ZNF385D: variants seen among roughly 807,000 people sequenced by gnomAD.
ZNF385D encodes zinc finger protein 659.
Under a neutral mutation model 35.8 loss-of-function variants are expected in ZNF385D, and 15 were observed. The ratio of observed to expected loss-of-function variants is 0.42; its 90% CI spans 0.28 to 0.64. ZNF385D has a LOEUF of 0.64. Ranked by LOEUF, ZNF385D falls within the 30% of genes least tolerant of loss-of-function variation. The pLI is 0.23. For missense variants in ZNF385D, 474 were observed against 494.6 expected (o/e 0.96, Z 0.39); for synonymous variants, 212 against 186.8 (o/e 1.13, Z -1.10).
In ZNF385D at chr3:21,641,730, C is replaced by T. The variant is rs140344423; in HGVS notation, c.165+23156G>A. On this transcript the variant is annotated intron_variant, in intron 2 of 7. Coordinates refer to ENST00000281523, the MANE Select transcript of ZNF385D (RefSeq NM_024697.3). ...AACTCAAGTGATCTGCCTGCCTTGG[C>T]CTCCCAAAGTGCTGTTGATACAGGA... Among the ~76,000 whole-genome samples, 3 of 150,874 alleles carry T rather than the reference C, an allele frequency of 2.0e-5. No homozygotes were observed. In the East Asian group the frequency reaches 5.9e-4, roughly 30 times the overall value.
intron 3 of ZNF385D, among the ~76,000 whole-genome samples, chr3:21,544,720 T>G (rs1247821470): frequency 6.6e-6 from 1 of 152,192 alleles, no homozygotes. Context: ...TCATGAAAGG[T>G]TTTTGCTTCT....
At chr3:22,281,696 ACTTTT>A (rs1202249285) in intron 2 of ZNF385D, among the ~76,000 whole-genome samples, 2 of 151,684 alleles carry the variant, frequency 1.3e-5, no homozygotes. Flanking sequence ...ACTGGTGTGT[ACTTTT>A]CTTTTTTTGT....
rs138233049 is a variant in ZNF385D, at chr3:22,214,997, G to A, written c.107-45962C>T. On this transcript the variant is annotated intron_variant, in intron 2 of 5. Coordinates refer to the ZNF385D transcript ENST00000494108. ...CTCAGGGGGCATCACGGAACCTGCCGACATGTGATGTCTCCCCCAGACACC... is the reference window on the plus strand; with the variant it reads ...CTCAGGGGGCATCACGGAACCTGCCAACATGTGATGTCTCCCCCAGACACC... Among the ~76,000 whole-genome samples, 782 of 151,978 alleles carry A rather than the reference G, an allele frequency of 5.1e-3. 9 individuals are homozygous for A. The highest frequency in any genetic ancestry group is 0.027 in the Middle Eastern group (8 of 294).
At chr3:21,893,483 A>G (rs1474606185) in intron 3 of ZNF385D, among the ~76,000 whole-genome samples, 1 of 152,174 alleles carries the variant, frequency 6.6e-6, no homozygotes, top group African/African-American at 2.4e-5. Flanking sequence ...ATGAGTCATG[A>G]TCTCCATAAA....
chr3:22,029,172 T>C (rs1475988265), intron 3 of ZNF385D, among the ~76,000 whole-genome samples: 3 of 152,226 alleles, frequency 2.0e-5, no homozygotes, highest in Non-Finnish European at 2.9e-5. Context: ...GGACACTTTG[T>C]GCTCCTCCTA....
At chr3:21,792,305 T>C (rs750866482) in intron 3 of ZNF385D, among the ~76,000 whole-genome samples, 7 of 152,212 alleles carry the variant, frequency 4.6e-5, no homozygotes, top group African/African-American at 9.7e-5. Context: ...TGGAGATTTA[T>C]TGAGTTGTGA....
At chr3:21,954,189 G>C (rs1353084856) in intron 3 of ZNF385D, among the ~76,000 whole-genome samples, 1 of 151,696 alleles carries the variant, frequency 6.6e-6, no homozygotes, top group Non-Finnish European at 1.5e-5. Context: ...AATTCTCTCT[G>C]TACCTCAGTT....
chr3:22,356,204 T>C (rs1258748568), intron 2 of ZNF385D, among the ~76,000 whole-genome samples: 1 of 151,990 alleles, frequency 6.6e-6, no homozygotes, highest in African/African-American at 2.4e-5. Flanking sequence ...ACAATGCATC[T>C]ATGTTTATAC....
chr3:21,975,703 ATATATATATATATATATATATATAT>A (rs1703556971), intron 3 of ZNF385D, among the ~76,000 whole-genome samples: 10 of 720 alleles, frequency 0.014, 1 homozygote, highest in African/African-American at 0.043. Context: ...TACCCACGAA[ATATATATATATATATATATATATAT>A]ATATATATAT....
At chr3:21,830,426 T>A (rs1249723300) in intron 3 of ZNF385D, among the ~76,000 whole-genome samples, 2 of 152,212 alleles carry the variant, frequency 1.3e-5, no homozygotes, top group Non-Finnish European at 2.9e-5. Flanking sequence ...TAGATTTATA[T>A]TCCTCTGGTA....
chr3:22,271,219 G>GTCAGCAAT (rs1701160692), intron 2 of ZNF385D, among the ~76,000 whole-genome samples: 1 of 151,180 alleles, frequency 6.6e-6, no homozygotes, highest in South Asian at 2.1e-4. Flanking sequence ...ATAGTCAGGA[G>GTCAGCAAT]ACAGCAATAA....
At chr3:22,333,570 A>G (rs1695033397) in intron 2 of ZNF385D, among the ~76,000 whole-genome samples, 1 of 152,026 alleles carries the variant, frequency 6.6e-6, no homozygotes, top group South Asian at 2.1e-4. Context: ...TACCCCATCC[A>G]GAGAGTTTTC....
chr3:21,430,135 T>G (rs1196226584), intron 5 of ZNF385D, among the ~76,000 whole-genome samples: 2 of 152,052 alleles, frequency 1.3e-5, no homozygotes, highest in Non-Finnish European at 2.9e-5. Context: ...TCCATGTTAA[T>G]TTTTTCCTAA....
intron 3 of ZNF385D, among the ~76,000 whole-genome samples, chr3:21,982,079 G>T (rs1224052335): frequency 3.8e-5 from 5 of 133,250 alleles, no homozygotes; most frequent in African/African-American, 1.1e-4. Flanking sequence ...TTTTAAAATA[G>T]TTTTTTTTTT....
At chr3:22,084,754 C>A (rs1185095745) in intron 3 of ZNF385D, among the ~76,000 whole-genome samples, 2 of 152,172 alleles carry the variant, frequency 1.3e-5, no homozygotes, top group African/African-American at 4.8e-5. Context: ...ACTCTCCACC[C>A]CAAATCAACA....
At chr3:21,521,675 G>T (rs1467133433) in intron 3 of ZNF385D, among the ~76,000 whole-genome samples, 1 of 152,030 alleles carries the variant, frequency 6.6e-6, no homozygotes, top group Non-Finnish European at 1.5e-5. Context: ...GATCACTTAG[G>T]TCCAGGAATT....
chr3:21,843,118 T>C (rs746839334), intron 3 of ZNF385D, among the ~76,000 whole-genome samples: 8 of 151,998 alleles, frequency 5.3e-5, no homozygotes, highest in East Asian at 1.9e-4. Context: ...TCTTAGATAA[T>C]TGCAAGAGAA....
intron 4 of ZNF385D, among the ~76,000 whole-genome samples, chr3:21,463,088 A>AT (rs1333327126): frequency 6.6e-6 from 1 of 152,202 alleles, no homozygotes. Flanking sequence ...GACTTAAAAT[A>AT]TTTTTTAAAG....
intron 3 of ZNF385D, among the ~76,000 whole-genome samples, chr3:22,098,118 G>A (rs1353564667): frequency 6.6e-6 from 1 of 152,068 alleles, no homozygotes; most frequent in African/African-American, 2.4e-5. Context: ...CACAAAACAT[G>A]ACTGAAATAG....
Sources: gnomAD v4.1 joint callset for allele counts (sites outside exome capture counted in the v4.1 genomes callset) on GRCh38, gnomAD v4.1.1 for gene constraint, MANE v1.5 for transcripts, NCBI Gene and HGNC (gene_info 2026-07-23, HGNC 2026-07-21) for gene names.